Variants in BCAT1 observed in about 807,000 individuals in gnomAD.
BCAT1 encodes the protein branched chain amino acid transaminase 1, also known as branched-chain-amino-acid aminotransferase, cytosolic.
Under a neutral mutation model 52.4 loss-of-function variants are expected in BCAT1, and 48 were observed. The observed-to-expected ratio is 0.92, with a 90% CI of 0.73 to 1.16. BCAT1 has a LOEUF of 1.16. Ranked by LOEUF, BCAT1 falls within the 50% of genes most tolerant of loss-of-function variation. The pLI is 0.00. For missense variants in BCAT1, 451 were observed against 457.1 expected (o/e 0.99, Z 0.12); for synonymous variants, 167 against 161.3 (o/e 1.04, Z -0.27).
At position 24,886,832 on chromosome 12, in the gene BCAT1, T is replaced by TAAAA. The variant is rs1216608757; in HGVS notation, c.280-5425_280-5422dup. Among the ~76,000 whole-genome samples the TAAAA allele has an allele frequency of 5.6e-4, 68 of 121,594 alleles. 1 individual carries two copies. The highest frequency in any genetic ancestry group is 8.1e-3 in the Middle Eastern group (2 of 246). 79.8% of individuals were successfully genotyped at this position (121,594 alleles called of 152,430 possible). ...GGCAACATAGTAAGACCCTGTCTCT[T>TAAAA]AAAAAAAAAAAAAAAAGAGGCCGGG... On this transcript the variant is annotated intron_variant, in intron 3 of 10. Coordinates refer to ENST00000261192, the MANE Select transcript of BCAT1 (RefSeq NM_005504.7).
intron 1 of BCAT1, among the ~76,000 whole-genome samples, chr12:24,933,960 TCTC>T (rs1225494291): frequency 6.6e-6 from 1 of 152,050 alleles, no homozygotes; most frequent in East Asian, 1.9e-4. Context: ...GCACATGAAT[TCTC>T]CTCTTGGCCG....
At position 24,880,123 on chromosome 12, in the gene BCAT1, C is replaced by T. The variant is rs865997214; in HGVS notation, c.390+1178G>A. Among the ~76,000 whole-genome samples, 20 of 152,138 alleles carry T rather than the reference C, an allele frequency of 1.3e-4. No individual in the cohort carries two copies. In the South Asian group the frequency reaches 2.3e-3, roughly 17 times the overall value. On this transcript the variant is annotated intron_variant, in intron 4 of 10. Coordinates refer to ENST00000261192, the MANE Select transcript of BCAT1 (RefSeq NM_005504.7). ...GGAATGAAGAACACTTGGATTTAGC[C>T]GTCCTCAGGCTTCCTGAATGCATAG...
chr12:24,902,972 C>G (rs569306107), intron 1 of BCAT1: 3 of 1,497,096 alleles, frequency 2.0e-6, no homozygotes, highest in Non-Finnish European at 1.8e-6. Context: ...CGCAGCGGAG[C>G]GAAGCGGGCT....
chr12:24,881,247 AC>A, intron 4 of BCAT1, 53 bp downstream of exon 4: 1 of 1,293,150 alleles, frequency 7.7e-7, no homozygotes, highest in Non-Finnish European at 1.1e-6. Flanking sequence ...GGTGGTCAAC[AC>A]CGTGACCCGT....
intron 6 of BCAT1, 23 bp from the exon 7 acceptor site, chr12:24,842,247 A>T (rs752226451): frequency 1.2e-6 from 2 of 1,612,144 alleles, no homozygotes; most frequent in East Asian, 4.5e-5. Flanking sequence ...GAAAATACAC[A>T]GGTTACAAAC....
intron 3 of BCAT1, among the ~76,000 whole-genome samples, chr12:24,893,284 G>A (rs1170684193): frequency 6.6e-6 from 1 of 152,152 alleles, no homozygotes; most frequent in East Asian, 1.9e-4. Context: ...CACCAGATAT[G>A]ACTCTATATG....
chr12:24,914,500 AG>A (rs1271406594), intron 1 of BCAT1, among the ~76,000 whole-genome samples: 3 of 152,228 alleles, frequency 2.0e-5, no homozygotes, highest in African/African-American at 7.2e-5. Context: ...CACCAAAGTC[AG>A]GCCTCTATGA....
chr12:24,845,479 C>T (rs904806125), intron 6 of BCAT1, among the ~76,000 whole-genome samples: 5 of 152,092 alleles, frequency 3.3e-5, no homozygotes, highest in African/African-American at 1.2e-4. Context: ...ATTACAAATG[C>T]TTTTTAATAA....
chr12:24,818,867 A>G (rs964663776), intron 10 of BCAT1, among the ~76,000 whole-genome samples: 7 of 152,308 alleles, frequency 4.6e-5, no homozygotes, highest in Non-Finnish European at 7.4e-5. Flanking sequence ...TTCTATATTC[A>G]TTCATTCAAT....
intron 7 of BCAT1, among the ~76,000 whole-genome samples, chr12:24,840,578 G>C (rs1037406490): frequency 2.6e-5 from 4 of 152,186 alleles, no homozygotes; most frequent in African/African-American, 7.2e-5. Flanking sequence ...CATATGCCAA[G>C]GACTACCAAT....
intron 3 of BCAT1, among the ~76,000 whole-genome samples, chr12:24,887,802 T>C (rs1333898241): frequency 6.6e-6 from 1 of 152,236 alleles, no homozygotes; most frequent in Non-Finnish European, 1.5e-5. Context: ...CCGCGTTCCC[T>C]ACTCGCAGTT....
chr12:24,860,395 C>A (rs1444405321), intron 5 of BCAT1, among the ~76,000 whole-genome samples: 1 of 151,100 alleles, frequency 6.6e-6, no homozygotes, highest in Non-Finnish European at 1.5e-5. Context: ...GTCAAGAAAC[C>A]TTTTTTTTTG....
chr12:24,912,699 TAA>T (rs10531528), intron 1 of BCAT1, among the ~76,000 whole-genome samples: 45,862 of 135,334 alleles, frequency 0.34, 8,339 homozygotes, highest in Middle Eastern at 0.54. Context: ...ACCCCATCTC[TAA>T]AAAAAAAAAA....
intron 1 of BCAT1, among the ~76,000 whole-genome samples, chr12:24,936,112 C>A (rs887187754): frequency 1.3e-5 from 2 of 152,350 alleles, no homozygotes; most frequent in Admixed American, 6.5e-5. Context: ...AATTCAAAAG[C>A]CACTTCCACA....
At chr12:24,890,076 T>A (rs1407538657) in intron 3 of BCAT1, among the ~76,000 whole-genome samples, 1 of 152,146 alleles carries the variant, frequency 6.6e-6, no homozygotes, top group Non-Finnish European at 1.5e-5. Flanking sequence ...GCAGTATCCT[T>A]TATAATAAAC....
At chr12:24,908,213 C>T (rs533937942) in intron 1 of BCAT1, among the ~76,000 whole-genome samples, 1 of 152,290 alleles carries the variant, frequency 6.6e-6, no homozygotes, top group East Asian at 1.9e-4. Context: ...TTCTGCCTTC[C>T]TCTACTCGTT....
intron 1 of BCAT1, among the ~76,000 whole-genome samples, chr12:24,931,459 A>G (rs1272302742): frequency 6.6e-6 from 1 of 152,134 alleles, no homozygotes; most frequent in African/African-American, 2.4e-5. Context: ...AAAATTTTCT[A>G]GGATGAATGA....
Position 24,948,987 on chromosome 12 carries a change from T to C in BCAT1, c.-55A>G. 4 of 1,566,296 alleles carry C rather than the reference T, an allele frequency of 2.6e-6. No homozygotes were observed. The highest frequency in any genetic ancestry group is 3.5e-6 in the Non-Finnish European group (4 of 1,153,766). Reference sequence around the variant, plus strand: ...CTGAGCGGAGGGCAGATCCCAAGGGTCGTAGCCCCTGGCCGTGTGGACCGG... The same window carrying C: ...CTGAGCGGAGGGCAGATCCCAAGGGCCGTAGCCCCTGGCCGTGTGGACCGG... On this transcript the variant is annotated 5_prime_UTR_variant, in exon 1 of 11. Coordinates refer to ENST00000261192, the MANE Select transcript of BCAT1 (RefSeq NM_005504.7).
chr12:24,885,816 A>C (rs1942647228), intron 3 of BCAT1, among the ~76,000 whole-genome samples: 1 of 152,180 alleles, frequency 6.6e-6, no homozygotes, highest in African/African-American at 2.4e-5. Flanking sequence ...TGCTGGGAAA[A>C]CTGGGTATAC....
Sources: allele counts gnomAD v4.1 joint callset (sites outside exome capture counted in the v4.1 genomes callset), GRCh38; gene constraint gnomAD v4.1.1; transcripts MANE v1.5; gene names NCBI Gene and HGNC (gene_info 2026-07-23, HGNC 2026-07-21).